Variants in ERBB4 observed in about 807,000 individuals in gnomAD.
ERBB4 encodes erb-b2 receptor tyrosine kinase 4, also known as receptor tyrosine-protein kinase erbB-4.
Under a neutral mutation model 158.0 loss-of-function variants are expected in ERBB4, and 42 were observed. The ratio of observed to expected loss-of-function variants is 0.27; its 90% CI spans 0.21 to 0.34. The LOEUF (loss-of-function observed/expected upper bound fraction) is 0.34. Among genes scored for constraint, ERBB4 ranks in the 10% least tolerant of loss-of-function variants. The probability of loss-of-function intolerance (pLI) is 1.00; values close to 1 mark genes in which losing one functional copy is unlikely to be tolerated. For synonymous variants in ERBB4, 583 were observed against 558.7 expected, an observed-to-expected ratio of 1.04 and a Z score of -0.61; for missense variants, 1,333 against 1,624.1, an observed-to-expected ratio of 0.82 and a Z score of 3.08.
At chr2:212,474,641 C>A (rs988342931) in intron 1 of ERBB4, among the ~76,000 whole-genome samples, 5 of 151,994 alleles carry the variant, frequency 3.3e-5, no homozygotes, top group Non-Finnish European at 7.4e-5. Flanking sequence ...TCCTCTCCGT[C>A]TTTTTGACCC....
chr2:211,585,925 C>G (rs1044161682), intron 19 of ERBB4, among the ~76,000 whole-genome samples: 1 of 152,072 alleles, frequency 6.6e-6, no homozygotes, highest in African/African-American at 2.4e-5. Context: ...TTATACATAT[C>G]CAGTTACTGA....
chr2:211,391,823 T>C (rs935968986), intron 25 of ERBB4, among the ~76,000 whole-genome samples: 7 of 152,348 alleles, frequency 4.6e-5, no homozygotes, highest in African/African-American at 1.7e-4. Context: ...ATAGATGGAC[T>C]GTATCTTGTG....
chr2:211,997,909 TCACACACAC>T (rs1395417074), intron 2 of ERBB4, among the ~76,000 whole-genome samples: 29 of 150,566 alleles, frequency 1.9e-4, no homozygotes, highest in African/African-American at 5.9e-4. Flanking sequence ...CACACACACA[TCACACACAC>T]ACACACACAC....
chr2:211,803,368 G>A (rs749617650), intron 3 of ERBB4, among the ~76,000 whole-genome samples: 21 of 152,182 alleles, frequency 1.4e-4, no homozygotes, highest in Middle Eastern at 3.4e-3. Flanking sequence ...GATTATCACC[G>A]AAGAGTCCAG....
rs1385682917 is a variant in ERBB4, at chr2:211,619,170, T to C, written c.2301+7A>G. On this transcript the variant is annotated splice_region_variant and intron_variant, in intron 19 of 27. Coordinates refer to ENST00000342788, the MANE Select transcript of ERBB4 (RefSeq NM_005235.3). ...AAAAATGTGATTGCCTGGGTGTCTGTACTTACATCCATGAACTCCACATTT... is the reference window on the plus strand; with the variant it reads ...AAAAATGTGATTGCCTGGGTGTCTGCACTTACATCCATGAACTCCACATTT... 2.0e-6 allele frequency: 3 copies of C among 1,535,190 alleles called. No individual in the cohort carries two copies. The highest frequency in any genetic ancestry group is 2.2e-5 in the South Asian group (2 of 89,494).
intron 1 of ERBB4, among the ~76,000 whole-genome samples, chr2:212,154,266 GAT>G (rs1316339624): frequency 6.6e-6 from 1 of 152,024 alleles, no homozygotes; most frequent in African/African-American, 2.4e-5. Context: ...TGGCTTAAAG[GAT>G]ATACACATAT....
intron 3 of ERBB4, among the ~76,000 whole-genome samples, chr2:211,870,159 T>C (rs189461959): frequency 6.6e-6 from 1 of 152,288 alleles, no homozygotes; most frequent in Admixed American, 6.5e-5. Flanking sequence ...AATTGTTCCA[T>C]TTAGCATTCC....
intron 19 of ERBB4, among the ~76,000 whole-genome samples, chr2:211,573,406 CA>C (rs2067793839): frequency 6.6e-6 from 1 of 152,154 alleles, no homozygotes; most frequent in African/African-American, 2.4e-5. Context: ...TGCGGTGGCT[CA>C]CACCTGTAAT....
intron 1 of ERBB4, chr2:212,426,418 A>G (rs769378436): frequency 9.2e-6 from 4 of 432,668 alleles, no homozygotes; most frequent in South Asian, 1.8e-5. Context: ...TTCTAAATGT[A>G]TATTTTCAAG....
At position 211,554,141 on chromosome 2, in the gene ERBB4, A is replaced by C. The variant is rs527531900; in HGVS notation, c.2487+7762T>G. ...CGTTGAAGAAGAGCAGGTCACTTTA[A>C]GCTGCAGTGATGTGTGTGTGTATGG... On this transcript the variant is annotated intron_variant, in intron 20 of 27. Transcript: ENST00000342788. 3.3e-5 allele frequency among the ~76,000 whole-genome samples: 5 copies of C among 152,296 alleles called. No homozygotes were observed. In the East Asian group the frequency reaches 9.7e-4, roughly 29 times the overall value.
chr2:211,564,075 AAG>A (rs1238053564), intron 19 of ERBB4, among the ~76,000 whole-genome samples: 3 of 152,216 alleles, frequency 2.0e-5, no homozygotes, highest in Non-Finnish European at 4.4e-5. Flanking sequence ...CTGACAAAAA[AAG>A]AGTTAATTTT....
At chr2:212,357,071 A>G (rs1218311037) in intron 1 of ERBB4, among the ~76,000 whole-genome samples, 2 of 151,898 alleles carry the variant, frequency 1.3e-5, no homozygotes, top group African/African-American at 4.8e-5. Flanking sequence ...TGTCTTATAC[A>G]TAAGTGTCTT....
chr2:211,703,118 GGTGT>G (rs151014708), intron 11 of ERBB4, among the ~76,000 whole-genome samples: 1 of 151,170 alleles, frequency 6.6e-6, no homozygotes, highest in Non-Finnish European at 1.5e-5. Flanking sequence ...TGGTTGTCAG[GGTGT>G]GTGTGTGTGT....
At chr2:212,412,855 A>G (rs971000445) in intron 1 of ERBB4, among the ~76,000 whole-genome samples, 1 of 152,236 alleles carries the variant, frequency 6.6e-6, no homozygotes. Context: ...AAATTATAAC[A>G]TATTCATTCA....
intron 1 of ERBB4, among the ~76,000 whole-genome samples, chr2:212,152,922 G>A (rs75144946): frequency 0.01 from 1,572 of 152,180 alleles, 37 homozygotes; most frequent in South Asian, 0.082. Flanking sequence ...GGCATTAAGA[G>A]GCATCACATG....
In ERBB4 at chr2:211,840,124, G is replaced by A. The variant is rs142071214; in HGVS notation, c.422-51965C>T. On this transcript the variant is annotated intron_variant, in intron 3 of 27. Transcript: ENST00000342788. ...GAATTGTAACTCCCATAATTCCCAC[G>A]TGTTGTGGGAGGGACCTGGTGGGAC... Among the ~76,000 whole-genome samples the A allele has an allele frequency of 1.7e-4, 26 of 152,110 alleles. 1 individual carries two copies. Among genetic ancestry groups the A allele is most frequent in the African/African-American group, 6.3e-4 (26 of 41,516 alleles).
intron 3 of ERBB4, among the ~76,000 whole-genome samples, chr2:211,841,524 T>C (rs1026109790): frequency 1.3e-5 from 2 of 152,020 alleles, no homozygotes; most frequent in African/African-American, 4.8e-5. Context: ...AAATAAAATG[T>C]GGCATTAAGG....
chr2:211,918,682 T>C (rs1467774170), intron 3 of ERBB4, among the ~76,000 whole-genome samples: 1 of 152,146 alleles, frequency 6.6e-6, no homozygotes, highest in Non-Finnish European at 1.5e-5. Flanking sequence ...GCCAATGCCA[T>C]TTCTAGTGAA....
intron 2 of ERBB4, among the ~76,000 whole-genome samples, chr2:211,950,997 AATTC>A (rs1296887890): frequency 1.3e-5 from 2 of 152,136 alleles, no homozygotes; most frequent in African/African-American, 2.4e-5. Flanking sequence ...TAAAAAGTAA[AATTC>A]ATTCATTATT....
Sources: gnomAD v4.1 joint callset for allele counts (sites outside exome capture counted in the v4.1 genomes callset) on GRCh38, gnomAD v4.1.1 for gene constraint, MANE v1.5 for transcripts, NCBI Gene and HGNC (gene_info 2026-07-23, HGNC 2026-07-21) for gene names.